MGA: variants seen among roughly 807,000 people sequenced by gnomAD.
The protein encoded by MGA is MAX dimerization protein MGA.
Under a neutral mutation model 261.1 loss-of-function variants are expected in MGA, and 40 were observed. The ratio of observed to expected loss-of-function variants is 0.15; its 90% confidence interval spans 0.12 to 0.20. MGA has a LOEUF of 0.20. Among genes scored for constraint, MGA ranks in the 10% least tolerant of loss-of-function variants. MGA has a pLI of 1.00. For missense variants in MGA, 3,397 were observed against 3,630.5 expected (o/e 0.94, Z 1.65); for synonymous variants, 1,302 against 1,290.6 (o/e 1.01, Z -0.19).
intron 9 of MGA, among the ~76,000 whole-genome samples, chr15:41,720,065 G>GA (rs2060857530): frequency 6.6e-6 from 1 of 152,224 alleles, no homozygotes; most frequent in African/African-American, 2.4e-5. Flanking sequence ...TGTGAAACAT[G>GA]AAAAGCAGAA....
At position 41,749,439 on chromosome 15, in the gene MGA, T is replaced by G; in HGVS notation, c.5832T>G (p.Phe1944Leu). ...TTATTCCTCTCCAGTCTGGTAGTTT[T>G]GCCTTGTTACAGCTCCCAGGACAAA... Residue 1944 changes from phenylalanine (F) to leucine (L), a missense_variant, in exon 17 of 24, where the codon TTT (phenylalanine) becomes TTG (leucine). By Grantham distance (22) the Phe-to-Leu change is conservative. Coordinates refer to ENST00000219905, the MANE Select transcript of MGA (RefSeq NM_001164273.2). 1 of 1,614,042 alleles carries G rather than the reference T, an allele frequency of 6.2e-7. No homozygotes were observed. The highest frequency in any genetic ancestry group is 8.5e-7 in the Non-Finnish European group (1 of 1,179,890).
chr15:41,626,285 C>CTT (rs35419067), intron 1 of MGA, among the ~76,000 whole-genome samples: 2 of 137,882 alleles, frequency 1.5e-5, no homozygotes, highest in Admixed American at 7.2e-5. Context: ...CTATTTTCCT[C>CTT]TTTTTTTTTT....
chr15:41,629,014 C>T (rs1489294491), intron 1 of MGA, among the ~76,000 whole-genome samples: 1 of 150,190 alleles, frequency 6.7e-6, no homozygotes, highest in Non-Finnish European at 1.5e-5. Flanking sequence ...TGGTGGCGGG[C>T]GCCTGTAGTC....
intron 1 of MGA, among the ~76,000 whole-genome samples, chr15:41,622,670 C>G (rs773354288): frequency 1.3e-5 from 2 of 152,248 alleles, no homozygotes; most frequent in Middle Eastern, 3.4e-3. Flanking sequence ...GCTGATCCCC[C>G]ATAACGCTGC....
intron 13 of MGA, among the ~76,000 whole-genome samples, chr15:41,739,151 A>G (rs2061953691): frequency 1.3e-5 from 2 of 152,064 alleles, no homozygotes; most frequent in Admixed American, 1.3e-4. Context: ...AAAGAAATCA[A>G]CCCCCACAAA....
chr15:41,687,787 A>G (rs1267162954), intron 2 of MGA, among the ~76,000 whole-genome samples: 1 of 152,066 alleles, frequency 6.6e-6, no homozygotes, highest in African/African-American at 2.4e-5. Flanking sequence ...GGATGTGTGT[A>G]TTGTACAGTT....
upstream of MGA, among the ~76,000 whole-genome samples, chr15:41,660,064 C>T (rs2057300615): frequency 6.6e-6 from 1 of 152,206 alleles, no homozygotes; most frequent in Non-Finnish European, 1.5e-5. Context: ...CGGCGAGGAG[C>T]CCTAGGGAAA....
At chr15:41,650,618 A>C (rs2057023220) in intron 1 of MGA, among the ~76,000 whole-genome samples, 1 of 151,940 alleles carries the variant, frequency 6.6e-6, no homozygotes, top group East Asian at 1.9e-4. Flanking sequence ...TTGTATTTTT[A>C]GTAGAGATAG....
rs564087836 is a variant in MGA, at chr15:41,766,675, A to G, written c.8593A>G (p.Ser2865Gly). The G allele has an allele frequency of 1.9e-6, 3 of 1,614,014 alleles. No homozygotes were observed. The highest frequency in any genetic ancestry group is 1.3e-5 in the African/African-American group (1 of 75,046). ...AGGGGATGCTCGGCGGGCTTTTATT[A>G]GTAAGGTTCCTCCTGGAAGCAGAGC... is the stretch of plus-strand genomic sequence containing the variant. Residue 2865 changes from serine (S) to glycine (G), a missense_variant, in exon 24 of 24, where the codon AGT (serine) becomes GGT (glycine). Around this residue, in one of 9 missense-constraint regions of MGA, gnomAD observed 647 missense variants for 642.4 expected, o/e 1.01. Transcript: ENST00000219905.
chr15:41,694,816 G>A (rs2059471442), intron 2 of MGA, among the ~76,000 whole-genome samples: 2 of 152,168 alleles, frequency 1.3e-5, no homozygotes, highest in African/African-American at 4.8e-5. Flanking sequence ...CCGGCTCCAG[G>A]GTTTAATTCA....
chr15:41,683,975 G>C (rs1470537572), intron 2 of MGA, among the ~76,000 whole-genome samples: 1 of 152,026 alleles, frequency 6.6e-6, no homozygotes, highest in African/African-American at 2.4e-5. Flanking sequence ...AGGATGTGCA[G>C]GTTAGTTACA....
chr15:41,713,485 A>C lies in MGA; in HGVS notation c.3419A>C (p.Lys1140Thr). The C allele has an allele frequency of 6.5e-7, 1 of 1,545,370 alleles. No individual in the cohort carries two copies. Among genetic ancestry groups the C allele is most frequent in the South Asian group, 1.2e-5 (1 of 83,782 alleles). ...TTGAAAGAGAAAAAGAAGAGAAAGA[A>C]GCTAGAATACAGTGAGTATTAATTG... Residue 1140 changes from lysine (K) to threonine (T), a missense_variant, in exon 9 of 24, where the codon AAG becomes ACG. By Grantham distance (78) the Lys-to-Thr change is moderately conservative. Around this residue, in one of 9 missense-constraint regions of MGA, gnomAD observed 519 missense variants for 554.1 expected, o/e 0.94. Coordinates refer to ENST00000219905, the MANE Select transcript of MGA (RefSeq NM_001164273.2).
chr15:41,746,960 A>T, intron 15 of MGA, among the ~76,000 whole-genome samples: 1 of 50,970 alleles, frequency 2.0e-5, no homozygotes, highest in Non-Finnish European at 3.7e-5. Context: ...CTACCTCTTT[A>T]TCTCTTTGAT....
intron 18 of MGA, among the ~76,000 whole-genome samples, chr15:41,756,662 A>G (rs2063164329): frequency 1.3e-5 from 2 of 152,242 alleles, no homozygotes; most frequent in South Asian, 4.1e-4. Context: ...GGGGAAATTC[A>G]CATTGTGGAA....
chr15:41,680,072 C>A (rs1033225252), intron 2 of MGA, among the ~76,000 whole-genome samples: 3 of 152,152 alleles, frequency 2.0e-5, no homozygotes, highest in African/African-American at 7.2e-5. Context: ...AGTTTGTCTA[C>A]ACGTAAGGCC....
intron 3 of MGA, among the ~76,000 whole-genome samples, chr15:41,698,105 C>T (rs929827678): frequency 3.4e-5 from 5 of 146,112 alleles, no homozygotes; most frequent in African/African-American, 7.6e-5. Flanking sequence ...CTCCTGGCCT[C>T]GTGATCCTCC....
intron 13 of MGA, among the ~76,000 whole-genome samples, chr15:41,737,709 A>G (rs2061863391): frequency 1.3e-5 from 2 of 152,088 alleles, no homozygotes; most frequent in Non-Finnish European, 2.9e-5. Context: ...AGCTGAGCGC[A>G]GTGGCTTACG....
In MGA at chr15:41,767,426, G is replaced by A. The variant is rs2063856405; in HGVS notation, c.*146G>A. ...GATAATGATGGGAGAAAGGGGGTAG[G>A]GTGCTGACCCTGGTATAAGAAGTAC... is the stretch of plus-strand genomic sequence containing the variant. On this transcript the variant is annotated 3_prime_UTR_variant, in exon 24 of 24. Transcript: ENST00000219905. 2.4e-6 allele frequency: 2 copies of A among 829,280 alleles called. No homozygotes were observed. Among genetic ancestry groups the A allele is most frequent in the South Asian group, 3.5e-5 (2 of 57,324 alleles). The allele number at this position is 829,280 out of a possible 1,614,324, so 51.4% of individuals were successfully genotyped here. A position where few individuals can be genotyped will look rare whatever the true frequency, so the allele number is the denominator to read the frequency against.
In MGA at chr15:41,669,792, T is replaced by G; in HGVS notation, c.898T>G (p.Ser300Ala). ...GGTCCGTCTTACAGAAGGTCAGGGG[T>G]CAGAGATACAACCAGGTGATTTGGA... Residue 300 changes from serine to alanine, a missense_variant, in exon 2 of 24, where the codon TCA (serine) becomes GCA (alanine). Physicochemically the swap from Ser to Ala is moderately conservative, Grantham distance 99. Around this residue, in one of 9 missense-constraint regions of MGA, gnomAD observed 563 missense variants for 563.6 expected, o/e 1.00. Transcript: ENST00000219905. 1 of 1,613,886 alleles carries G rather than the reference T, an allele frequency of 6.2e-7. No individual in the cohort carries two copies. Among genetic ancestry groups the G allele is most frequent in the Non-Finnish European group, 8.5e-7 (1 of 1,179,868 alleles).
Sources: gnomAD v4.1 joint callset for allele counts (sites outside exome capture counted in the v4.1 genomes callset) on GRCh38, gnomAD v4.1.1 for gene constraint, gnomAD v4.1.1 regional missense constraint, MANE v1.5 for transcripts, NCBI Gene and HGNC (gene_info 2026-07-23, HGNC 2026-07-21) for gene names.